CTNNA3: variants seen among roughly 807,000 people sequenced by gnomAD.
CTNNA3 encodes the protein catenin alpha 3, also known as catenin alpha-3.
CTNNA3 carries 76 observed loss-of-function variants against 95.7 expected under a neutral mutation model. The observed-to-expected ratio is 0.79, with a 90% confidence interval of 0.66 to 0.96. The LOEUF is 0.96. Among genes scored for constraint, CTNNA3 ranks in the 40% least tolerant of loss-of-function variants. CTNNA3 has a pLI of 0.00. For missense variants in CTNNA3, 1,191 were observed against 1,089.8 expected (o/e 1.09, Z -1.31); for synonymous variants, 431 against 374.4 (o/e 1.15, Z -1.74).
intron 7 of CTNNA3, among the ~76,000 whole-genome samples, chr10:66,839,422 C>T (rs1842976709): frequency 6.6e-6 from 1 of 152,032 alleles, no homozygotes; most frequent in Non-Finnish European, 1.5e-5. Context: ...ATATGAGTAC[C>T]TTACAGAGAA....
intron 14 of CTNNA3, among the ~76,000 whole-genome samples, chr10:66,071,988 A>T (rs2080445769): frequency 6.6e-6 from 1 of 152,188 alleles, no homozygotes; most frequent in African/African-American, 2.4e-5. Context: ...ATTTTTCTAT[A>T]AAGGACAAGA....
chr10:67,756,473 AT>A (rs1399166290), intron 1 of CTNNA3, among the ~76,000 whole-genome samples: 2 of 152,188 alleles, frequency 1.3e-5, no homozygotes, highest in East Asian at 1.9e-4. Context: ...AAAATAAATA[AT>A]TTTTTAAAAG....
intron 7 of CTNNA3, among the ~76,000 whole-genome samples, chr10:66,881,500 A>T (rs1844849347): frequency 1.3e-5 from 2 of 152,130 alleles, no homozygotes; most frequent in Non-Finnish European, 2.9e-5. Flanking sequence ...TTGAGGACTC[A>T]CACCATATAA....
At chr10:66,761,440 G>T (rs531662320) in intron 9 of CTNNA3, among the ~76,000 whole-genome samples, 1 of 151,830 alleles carries the variant, frequency 6.6e-6, no homozygotes, top group Admixed American at 6.6e-5. Context: ...GAAAAATTTC[G>T]GCCTAGATCA....
At chr10:66,573,098 C>G (rs180732910) in intron 10 of CTNNA3, among the ~76,000 whole-genome samples, 51 of 152,234 alleles carry the variant, frequency 3.4e-4, no homozygotes, top group African/African-American at 1.2e-3. Flanking sequence ...TATATATTGA[C>G]ATTGTTTAAA....
chr10:67,035,564 T>C (rs148259003), intron 7 of CTNNA3, among the ~76,000 whole-genome samples: 1,672 of 152,270 alleles, frequency 0.011, 30 homozygotes, highest in African/African-American at 0.038. Flanking sequence ...GAGAACTTTT[T>C]GACACACAAT....
intron 8 of CTNNA3, among the ~76,000 whole-genome samples, chr10:66,769,049 T>C (rs1839978473): frequency 6.6e-6 from 1 of 152,158 alleles, no homozygotes; most frequent in African/African-American, 2.4e-5. Flanking sequence ...TACTCTGAGA[T>C]ATATGTTTAA....
chr10:67,208,378 C>CAAAAAAAAAAAAAAAAAAA (rs3056794), intron 6 of CTNNA3, among the ~76,000 whole-genome samples: 2 of 93,176 alleles, frequency 2.1e-5, no homozygotes, highest in East Asian at 3.4e-4. Context: ...GACTCTGTCT[C>CAAAAAAAAAAAAAAAAAAA]AAAAAAAAAA....
intron 17 of CTNNA3, among the ~76,000 whole-genome samples, chr10:65,947,660 A>G (rs1240965076): frequency 6.6e-6 from 1 of 152,220 alleles, no homozygotes; most frequent in African/African-American, 2.4e-5. Context: ...AAAGCTCCCT[A>G]CCAACCTGTA....
chr10:66,838,277 T>A (rs1290160503), intron 7 of CTNNA3, among the ~76,000 whole-genome samples: 1 of 152,094 alleles, frequency 6.6e-6, no homozygotes, highest in Non-Finnish European at 1.5e-5. Context: ...TTTTCCACAG[T>A]TCAGAACACA....
At chr10:66,696,709 G>A (rs1392232297) in intron 9 of CTNNA3, among the ~76,000 whole-genome samples, 2 of 152,054 alleles carry the variant, frequency 1.3e-5, no homozygotes, top group Non-Finnish European at 2.9e-5. Flanking sequence ...CAGGCAGGAG[G>A]ATCATTTGAG....
chr10:66,551,128 C>A (rs117612384), intron 10 of CTNNA3, among the ~76,000 whole-genome samples: 1 of 152,096 alleles, frequency 6.6e-6, no homozygotes, highest in Non-Finnish European at 1.5e-5. Context: ...GGCATCATTC[C>A]CTTTCCTTTA....
intron 7 of CTNNA3, among the ~76,000 whole-genome samples, chr10:66,872,660 C>T (rs981529141): frequency 6.9e-6 from 1 of 145,564 alleles, no homozygotes; most frequent in South Asian, 2.1e-4. Context: ...CAGAACGAGA[C>T]CCCGTCTCAA....
chr10:66,813,529 T>C (rs1841963166), intron 7 of CTNNA3, among the ~76,000 whole-genome samples: 1 of 152,158 alleles, frequency 6.6e-6, no homozygotes, highest in Admixed American at 6.6e-5. Context: ...AATAATAGCT[T>C]TGCTGTAAAG....
At chr10:65,934,476 G>A (rs1380484830) in intron 17 of CTNNA3, among the ~76,000 whole-genome samples, 1 of 152,074 alleles carries the variant, frequency 6.6e-6, no homozygotes, top group Non-Finnish European at 1.5e-5. Flanking sequence ...TCCATTTGCT[G>A]TTGCTCATCT....
chr10:66,391,316 G>A (rs1476349266), intron 11 of CTNNA3, among the ~76,000 whole-genome samples: 8 of 151,356 alleles, frequency 5.3e-5, no homozygotes, highest in South Asian at 2.1e-4. Context: ...ACACACACAC[G>A]AAAAAAAAGA....
chr10:67,482,225 G>A (rs1413829541), intron 5 of CTNNA3, among the ~76,000 whole-genome samples: 7 of 150,128 alleles, frequency 4.7e-5, no homozygotes, highest in East Asian at 2.0e-4. Flanking sequence ...TTGACTTGGC[G>A]ATGCGGCCTC....
chr10:66,000,386 C>T (rs2078747698), intron 15 of CTNNA3, among the ~76,000 whole-genome samples: 1 of 152,112 alleles, frequency 6.6e-6, no homozygotes, highest in Non-Finnish European at 1.5e-5. Flanking sequence ...TTAACTAGGG[C>T]TATGGCTTAA....
chr10:67,446,302 A>G (rs1846746060), intron 5 of CTNNA3, among the ~76,000 whole-genome samples: 1 of 152,144 alleles, frequency 6.6e-6, no homozygotes, highest in African/African-American at 2.4e-5. Flanking sequence ...CCCTGACAGA[A>G]CTTTCAAAAA....
Sources: allele counts gnomAD v4.1 joint callset (sites outside exome capture counted in the v4.1 genomes callset), GRCh38; gene constraint gnomAD v4.1.1; transcripts MANE v1.5; gene names NCBI Gene and HGNC (gene_info 2026-07-23, HGNC 2026-07-21).